NPR3: variants seen among roughly 807,000 people sequenced by gnomAD.
NPR3 encodes atrial natriuretic peptide receptor 3.
In NPR3, 34 loss-of-function variants were observed where a neutral mutation model predicts 54.5. The ratio of observed to expected loss-of-function variants is 0.62; its 90% CI spans 0.47 to 0.83. NPR3 has a LOEUF of 0.83. Among genes scored for constraint, NPR3 ranks in the 40% least tolerant of loss-of-function variants. The probability of loss-of-function intolerance (pLI) is 0.00; values close to 1 mark genes in which losing one functional copy is unlikely to be tolerated. For missense variants in NPR3, 674 were observed against 720.8 expected, an observed-to-expected ratio of 0.94 and a Z score of 0.74; for synonymous variants, 289 against 297.1, an observed-to-expected ratio of 0.97 and a Z score of 0.28.
At chr5:32,779,072 G>A (rs914909521) in intron 4 of NPR3, among the ~76,000 whole-genome samples, 5 of 152,114 alleles carry the variant, frequency 3.3e-5, no homozygotes, top group Admixed American at 3.3e-4. Context: ...TGGTAAAGTA[G>A]ACCAAAGTCT....
chr5:32,700,060 G>A (rs1740629204), intron 1 of NPR3, among the ~76,000 whole-genome samples: 1 of 152,192 alleles, frequency 6.6e-6, no homozygotes, highest in Non-Finnish European at 1.5e-5. Context: ...GATGTTTGCT[G>A]CCAGATATAT....
At chr5:32,721,109 C>G (rs1738835831) in intron 1 of NPR3, among the ~76,000 whole-genome samples, 1 of 152,150 alleles carries the variant, frequency 6.6e-6, no homozygotes, top group Non-Finnish European at 1.5e-5. Context: ...GGATCATGCA[C>G]TCTGACTACT....
chr5:32,723,934 CATCT>C (rs144727090), intron 1 of NPR3, among the ~76,000 whole-genome samples: 15 of 151,964 alleles, frequency 9.9e-5, no homozygotes, highest in Non-Finnish European at 2.1e-4. Flanking sequence ...ATCTACCTAT[CATCT>C]ATCAATCAAT....
intron 4 of NPR3, among the ~76,000 whole-genome samples, chr5:32,775,691 G>A (rs1412811315): frequency 6.6e-6 from 1 of 151,994 alleles, no homozygotes; most frequent in Non-Finnish European, 1.5e-5. Context: ...TCCACCTCCT[G>A]GGTTCAAGTG....
intron 3 of NPR3, among the ~76,000 whole-genome samples, chr5:32,760,672 T>C (rs993568663): frequency 6.6e-6 from 1 of 152,032 alleles, no homozygotes; most frequent in African/African-American, 2.4e-5. Context: ...CAGTGGTTTT[T>C]TTTTTTTTAA....
intron 1 of NPR3, among the ~76,000 whole-genome samples, chr5:32,719,682 A>C (rs1305950978): frequency 3.3e-5 from 5 of 150,406 alleles, no homozygotes; most frequent in Non-Finnish European, 5.9e-5. Context: ...TATCCTTTTC[A>C]TTTTCTCTAT....
At chr5:32,751,045 G>A (rs767885746) in intron 3 of NPR3, among the ~76,000 whole-genome samples, 38 of 152,078 alleles carry the variant, frequency 2.5e-4, no homozygotes, top group Non-Finnish European at 5.0e-4. Flanking sequence ...ACATGGACAG[G>A]AACATCATTT....
At chr5:32,743,724 G>A (rs1262578571) in intron 3 of NPR3, among the ~76,000 whole-genome samples, 2 of 152,132 alleles carry the variant, frequency 1.3e-5, no homozygotes, top group Non-Finnish European at 2.9e-5. Flanking sequence ...TTAGCAGCCT[G>A]TAAATTAGCT....
intron 3 of NPR3, among the ~76,000 whole-genome samples, chr5:32,765,210 G>C (rs1370739687): frequency 6.6e-6 from 1 of 152,132 alleles, no homozygotes; most frequent in Non-Finnish European, 1.5e-5. Flanking sequence ...AGCAGCTGCT[G>C]AGCCAGTTTT....
At chr5:32,704,840 A>T (rs913678077), upstream of NPR3, among the ~76,000 whole-genome samples, 1 of 152,216 alleles carries the variant, frequency 6.6e-6, no homozygotes, top group Non-Finnish European at 1.5e-5. Context: ...ATTTGATTTT[A>T]TGTATTTGTG....
chr5:32,745,559 A>G (rs1214583632), intron 3 of NPR3, among the ~76,000 whole-genome samples: 1 of 152,234 alleles, frequency 6.6e-6, no homozygotes, highest in Non-Finnish European at 1.5e-5. Context: ...TTCTTTTTCC[A>G]CTACATCAGT....
rs1289793529 is a variant in NPR3 at position 32,728,833 on chromosome 5, GTGTGTATATATATATATATATATA to G, written c.892+4015_892+4038del. Among the ~76,000 whole-genome samples, 404 of 64,068 alleles carry G rather than the reference GTGTGTATATATATATATATATATA, an allele frequency of 6.3e-3. 9 individuals are homozygous for G. Among genetic ancestry groups the G allele is most frequent in the African/African-American group, 0.026 (389 of 15,236 alleles). 42.0% of individuals were successfully genotyped at this position (64,068 alleles called of 152,430 possible). On this transcript the variant is annotated intron_variant, in intron 2 of 7. Coordinates refer to ENST00000265074, the MANE Select transcript of NPR3 (RefSeq NM_001204375.2). ...GGAATATTTGTGTGTGTGTGTGTGT[GTGTGTATATATATATATATATATA>G]TATATATATATATATATATGTAAAA...
intron 2 of NPR3, among the ~76,000 whole-genome samples, chr5:32,731,427 C>A (rs1051399598): frequency 6.6e-6 from 1 of 152,160 alleles, no homozygotes. Flanking sequence ...TAATCCTTAA[C>A]CCTGGCAAAG....
chr5:32,739,953 T>C (rs114026807), intron 3 of NPR3, among the ~76,000 whole-genome samples: 20,369 of 152,144 alleles, frequency 0.13, 1,445 homozygotes, highest in East Asian at 0.23. Context: ...CGATCACGGC[T>C]CACTGCAGCC....
In NPR3 at chr5:32,715,380, A is replaced by G. The variant is rs954033733; in HGVS notation, c.769+2835A>G. Among the ~76,000 whole-genome samples the G allele has an allele frequency of 1.3e-4, 20 of 152,214 alleles. 1 individual carries two copies. Among genetic ancestry groups the G allele is most frequent in the Admixed American group, 1.0e-3 (16 of 15,280 alleles). On this transcript the variant is annotated intron_variant, in intron 1 of 7. Coordinates refer to ENST00000265074, the MANE Select transcript of NPR3 (RefSeq NM_001204375.2). ...TGGACTTAAGTTTCTCTTTAAAACC[A>G]AATCACAAATGTTTGAACAAGTAAA...
intron 1 of NPR3, among the ~76,000 whole-genome samples, chr5:32,702,514 G>T (rs187782140): frequency 0.012 from 1,851 of 148,314 alleles, 51 homozygotes; most frequent in African/African-American, 0.042. Flanking sequence ...GCGGTGTTTG[G>T]TTTTTTTTGT....
chr5:32,739,167 G>T, intron 3 of NPR3, 137 bp downstream of exon 3: 1 of 532,112 alleles, frequency 1.9e-6, no homozygotes, highest in South Asian at 3.8e-5. Context: ...GTTGCCTTCT[G>T]TGTGTGTGTG....
At chr5:32,744,813 G>A (rs1164090554) in intron 3 of NPR3, among the ~76,000 whole-genome samples, 1 of 152,132 alleles carries the variant, frequency 6.6e-6, no homozygotes, top group African/African-American at 2.4e-5. Flanking sequence ...CACCTCTTGG[G>A]TTGTAATTAC....
chr5:32,737,721 C>T lies in NPR3; in HGVS notation c.893-1143C>T, dbSNP rs979435271. ...CCACGTTTTCTTGAAAATAAAATAACGAAGAGAAAAATAATTATTCTTATT... is the reference window on the plus strand; with the variant it reads ...CCACGTTTTCTTGAAAATAAAATAATGAAGAGAAAAATAATTATTCTTATT... On this transcript the variant is annotated intron_variant, in intron 2 of 7. Transcript: ENST00000265074. Among the ~76,000 whole-genome samples, 11 of 152,010 alleles carry T rather than the reference C, an allele frequency of 7.2e-5. No individual in the cohort carries two copies. In the East Asian group the frequency reaches 1.7e-3, roughly 24 times the overall value.
Sources: allele counts gnomAD v4.1 joint callset (sites outside exome capture counted in the v4.1 genomes callset), GRCh38; gene constraint gnomAD v4.1.1; transcripts MANE v1.5; gene names NCBI Gene and HGNC (gene_info 2026-07-23, HGNC 2026-07-21).